KAZN: variants seen among roughly 807,000 people sequenced by gnomAD.
KAZN encodes kazrin.
A neutral mutation model predicts 87.4 loss-of-function variants in KAZN; 40 were observed. That is an observed-to-expected ratio of 0.46 (90% CI 0.36 to 0.60). The LOEUF (loss-of-function observed/expected upper bound fraction) is 0.60, where lower values mean the gene tolerates loss of function less well. Ranked by LOEUF, KAZN falls within the 20% of genes least tolerant of loss-of-function variation. The probability of loss-of-function intolerance (pLI) is 0.00; values close to 1 mark genes in which losing one functional copy is unlikely to be tolerated. For missense variants in KAZN, 898 were observed against 1,073.9 expected, an observed-to-expected ratio of 0.84 and a Z score of 2.29; for synonymous variants, 466 against 458.3, an observed-to-expected ratio of 1.02 and a Z score of -0.22.
chr1:14,781,824 G>A (rs1215527406), intron 1 of KAZN, among the ~76,000 whole-genome samples: 4 of 152,144 alleles, frequency 2.6e-5, no homozygotes, highest in African/African-American at 7.2e-5. Context: ...CTCAATAAAC[G>A]GAAGCTATTG....
chr1:14,149,875 A>G (rs1645436744), intron 1 of KAZN, among the ~76,000 whole-genome samples: 1 of 152,192 alleles, frequency 6.6e-6, no homozygotes. Flanking sequence ...CATATGGAAC[A>G]ACTCACAGAC....
At chr1:14,078,102 A>C (rs1037185063) in intron 1 of KAZN, among the ~76,000 whole-genome samples, 1 of 152,214 alleles carries the variant, frequency 6.6e-6, no homozygotes, top group Admixed American at 6.5e-5. Flanking sequence ...TAAGGGGTTC[A>C]TGTATTCTTG....
At chr1:14,275,424 C>T (rs1265497353) in intron 2 of KAZN, among the ~76,000 whole-genome samples, 11 of 148,120 alleles carry the variant, frequency 7.4e-5, no homozygotes, top group Admixed American at 7.4e-4. Context: ...ATCGTGAAAA[C>T]TGCAGCCTTG....
chr1:14,551,011 G>A (rs1221019842), intron 2 of KAZN, among the ~76,000 whole-genome samples: 1 of 151,892 alleles, frequency 6.6e-6, no homozygotes, highest in African/African-American at 2.4e-5. Flanking sequence ...CTGCTCCCCA[G>A]AAATATTACT....
chr1:14,500,150 A>T (rs924760252), intron 2 of KAZN, among the ~76,000 whole-genome samples: 2 of 152,126 alleles, frequency 1.3e-5, no homozygotes, highest in Non-Finnish European at 2.9e-5. Flanking sequence ...CCAAGTCATG[A>T]TGCTACCCTG....
At chr1:14,291,130 C>T (rs1320382826) in intron 2 of KAZN, among the ~76,000 whole-genome samples, 1 of 152,220 alleles carries the variant, frequency 6.6e-6, no homozygotes, top group Non-Finnish European at 1.5e-5. Context: ...TGTTAGGCTA[C>T]ATGGGGGTCA....
rs1676772247 is a variant in KAZN, at chr1:14,599,447, C to A, written c.226+224C>A. Among the ~76,000 whole-genome samples the A allele has an allele frequency of 6.6e-6, 1 of 151,966 alleles. No homozygotes were observed. Among genetic ancestry groups the A allele is most frequent in the South Asian group, 2.1e-4 (1 of 4,814 alleles). ...CGCAGTGTGCACGGGGTCACACGGT[C>A]ACACCGGCCCCGGCCAGCCTGAGCG... On this transcript the variant is annotated intron_variant, in intron 1 of 14. Transcript: ENST00000376030. This position sits in a 1 kb window ranked among gnomAD's most constrained non-coding sequence, Gnocchi z 4.4.
At chr1:14,813,469 G>A (rs1646472436) in intron 1 of KAZN, among the ~76,000 whole-genome samples, 1 of 152,196 alleles carries the variant, frequency 6.6e-6, no homozygotes, top group South Asian at 2.1e-4. Context: ...GCTGAAGCCA[G>A]CATCAATTTG....
chr1:14,401,523 C>A (rs1186029200), intron 2 of KAZN, among the ~76,000 whole-genome samples: 1 of 151,964 alleles, frequency 6.6e-6, no homozygotes, highest in Non-Finnish European at 1.5e-5. Context: ...GTTTTAGAAT[C>A]TATCAGTATA....
chr1:14,551,961 T>G (rs1285919338), intron 2 of KAZN, among the ~76,000 whole-genome samples: 2 of 152,156 alleles, frequency 1.3e-5, no homozygotes, highest in African/African-American at 4.8e-5. Flanking sequence ...TTAAAGTCTC[T>G]CTCTCTTCTT....
At chr1:14,689,193 TCAAAACAAAACAAAACAAAA>T (rs3081470) in intron 1 of KAZN, among the ~76,000 whole-genome samples, 80 of 147,876 alleles carry the variant, frequency 5.4e-4, no homozygotes, top group African/African-American at 1.7e-3. Context: ...AGACTCTGTC[TCAAAACAAAACAAAACAAAA>T]CAAAACAAAA....
chr1:14,073,603 A>G (rs1290683847), intron 1 of KAZN, among the ~76,000 whole-genome samples: 1 of 150,000 alleles, frequency 6.7e-6, no homozygotes, highest in Non-Finnish European at 1.5e-5. Context: ...CCCTGTGTCC[A>G]TGTGTTCTCA....
At chr1:14,247,556 A>C (rs1649628027) in intron 2 of KAZN, among the ~76,000 whole-genome samples, 1 of 152,208 alleles carries the variant, frequency 6.6e-6, no homozygotes, top group Admixed American at 6.5e-5. Context: ...GCTGAGGATG[A>C]TGGCTTCCAG....
At chr1:14,607,346 TCACCGAGC>T (rs1193385344) in intron 1 of KAZN, among the ~76,000 whole-genome samples, 1 of 152,168 alleles carries the variant, frequency 6.6e-6, no homozygotes, top group African/African-American at 2.4e-5. Flanking sequence ...TTGCCCAGGG[TCACCGAGC>T]TAGCAAGTGG....
intron 1 of KAZN, among the ~76,000 whole-genome samples, chr1:14,807,877 A>G (rs995758571): frequency 9.2e-5 from 14 of 152,102 alleles, no homozygotes; most frequent in Non-Finnish European, 2.1e-4. Context: ...CCTGGCTTGG[A>G]GCAGCCTCCA....
intron 8 of KAZN, among the ~76,000 whole-genome samples, chr1:15,069,172 C>T (rs574090650): frequency 4.6e-5 from 7 of 152,260 alleles, no homozygotes; most frequent in African/African-American, 1.4e-4. Flanking sequence ...TGCCCCTACT[C>T]CCCTCTCCCT....
At chr1:14,216,258 A>G (rs765738004) in intron 2 of KAZN, among the ~76,000 whole-genome samples, 22 of 152,196 alleles carry the variant, frequency 1.4e-4, no homozygotes, top group Non-Finnish European at 7.3e-5. Flanking sequence ...TACTCAATGG[A>G]AAGTAGCCAA....
chr1:14,398,838 T>C (rs1217401275), intron 2 of KAZN, among the ~76,000 whole-genome samples: 3 of 152,016 alleles, frequency 2.0e-5, no homozygotes, highest in Admixed American at 6.5e-5. Context: ...CAGGACCCCG[T>C]TGTGTTTCCT....
At position 14,184,517 on chromosome 1, in the gene KAZN, G is replaced by A. The variant is rs960202352; in HGVS notation, c.249+3925G>A. On this transcript the variant is annotated intron_variant, in intron 2 of 16. Coordinates refer to the KAZN transcript ENST00000636203. This position sits in a 1 kb window ranked among gnomAD's most constrained non-coding sequence, Gnocchi z 4.2. ...TCCCCCTTGCCAAGCAAGAGCGGAA[G>A]CAGCAGCAGGAGGGAAACCTGGCAT... is the stretch of plus-strand genomic sequence containing the variant. Among the ~76,000 whole-genome samples the A allele has an allele frequency of 9.2e-5, 14 of 152,294 alleles. No homozygotes were observed. The highest frequency in any genetic ancestry group is 3.4e-4 in the African/African-American group (14 of 41,576).
Sources: allele counts gnomAD v4.1 joint callset (sites outside exome capture counted in the v4.1 genomes callset), GRCh38; gene constraint gnomAD v4.1.1; non-coding constraint Gnocchi (gnomAD v3.1); transcripts MANE v1.5; gene names NCBI Gene and HGNC (gene_info 2026-07-23, HGNC 2026-07-21).